Variants in GLRA2 observed in about 807,000 individuals in gnomAD.
The protein encoded by GLRA2 is glycine receptor subunit alpha-2.
A neutral mutation model predicts 31.6 loss-of-function variants in GLRA2; 11 were observed. The ratio of observed to expected loss-of-function variants is 0.35; its 90% CI spans 0.22 to 0.58. The LOEUF is 0.58. Ranked by LOEUF, GLRA2 falls within the 20% of genes least tolerant of loss-of-function variation. The probability of loss-of-function intolerance (pLI) is 0.84; values close to 1 mark genes in which losing one functional copy is unlikely to be tolerated. For missense variants in GLRA2, 212 were observed against 351.8 expected, an observed-to-expected ratio of 0.60 and a Z score of 3.18; for synonymous variants, 132 against 134.0, an observed-to-expected ratio of 0.99 and a Z score of 0.10.
At chrX:14,659,004 C>T (rs2090966896) in intron 7 of GLRA2, among the ~76,000 whole-genome samples, 1 of 111,809 alleles carries the variant, frequency 8.9e-6, no homozygotes, top group African/African-American at 3.3e-5. Context: ...CTGAGTTTAG[C>T]CAGACTAGTT....
In GLRA2 at chrX:14,651,851, T is replaced by C. The variant is rs186659433; in HGVS notation, c.931-38859T>C. Among the ~76,000 whole-genome samples, 787 of 111,909 alleles carry C rather than the reference T, an allele frequency of 7.0e-3. 4 individuals are homozygous for C. Among genetic ancestry groups the C allele is most frequent in the Non-Finnish European group, 0.011 (570 of 53,163 alleles). On this transcript the variant is annotated intron_variant, in intron 7 of 8. Transcript: ENST00000218075. ...GTTTGTGTCTCACCAAGATTTCTTG[T>C]TGAAACCCTAACCTCCAATGCGACG... is the stretch of plus-strand genomic sequence containing the variant.
chrX:14,703,918 C>T (rs904130604), intron 8 of GLRA2, among the ~76,000 whole-genome samples: 2 of 112,024 alleles, frequency 1.8e-5, no homozygotes, highest in Non-Finnish European at 3.8e-5. Context: ...CCTCACCACA[C>T]TCCTGTTGTT....
chrX:14,670,031 T>G (rs987168957), intron 7 of GLRA2, among the ~76,000 whole-genome samples: 2 of 112,272 alleles, frequency 1.8e-5, no homozygotes, highest in Non-Finnish European at 3.8e-5. Context: ...TTGAATGCTT[T>G]GCTGCTTAGA....
At chrX:14,508,766 T>A in the GLRA2 span, among the ~76,000 whole-genome samples, 3 of 111,815 alleles carry the variant, frequency 2.7e-5, no homozygotes, top group African/African-American at 9.7e-5. Context: ...AATTTCAAGG[T>A]CACCAATTAT....
intron 5 of GLRA2, 124 bp from the exon 6 acceptor site, chrX:14,607,007 C>T: frequency 2.2e-6 from 1 of 460,769 alleles, no homozygotes. Flanking sequence ...ATTAAGAATG[C>T]TCTTGAATTG....
chrX:14,662,885 TA>T (rs1444775413), intron 7 of GLRA2, among the ~76,000 whole-genome samples: 1 of 107,473 alleles, frequency 9.3e-6, no homozygotes. Context: ...AATATTTTAT[TA>T]TTTTTCTGTT....
At chrX:14,483,931 C>G in the GLRA2 span, among the ~76,000 whole-genome samples, 43 of 111,033 alleles carry the variant, frequency 3.9e-4, no homozygotes, top group Admixed American at 9.6e-4. Flanking sequence ...ACTGGCCTAG[C>G]CTCCCAGCCT....
intron 4 of GLRA2, among the ~76,000 whole-genome samples, chrX:14,584,735 T>C (rs1218872564): frequency 8.9e-6 from 1 of 111,814 alleles, no homozygotes; most frequent in East Asian, 2.8e-4. Flanking sequence ...GAGCACAACA[T>C]AAATTGATCG....
At chrX:14,577,064 G>A (rs2089965469) in intron 3 of GLRA2, among the ~76,000 whole-genome samples, 1 of 112,765 alleles carries the variant, frequency 8.9e-6, no homozygotes, top group Non-Finnish European at 1.9e-5. Flanking sequence ...GTAGGGATTG[G>A]CAAACTTTTT....
At chrX:14,593,390 T>C (rs3027368) in intron 4 of GLRA2, among the ~76,000 whole-genome samples, 23,570 of 111,438 alleles carry the variant, frequency 0.21, 2,400 homozygotes, top group Non-Finnish European at 0.32. Context: ...CCACATGAGA[T>C]ATACTCTCAG....
chrX:14,667,583 A>C (rs1177964512), intron 7 of GLRA2, among the ~76,000 whole-genome samples: 1 of 112,011 alleles, frequency 8.9e-6, no homozygotes, highest in East Asian at 2.8e-4. Context: ...ATGTTCAAGC[A>C]TGGAGCCTAC....
chrX:14,595,925 C>A (rs1338104014), intron 4 of GLRA2, among the ~76,000 whole-genome samples: 1 of 112,047 alleles, frequency 8.9e-6, no homozygotes, highest in Non-Finnish European at 1.9e-5. Context: ...GACACACTGT[C>A]TTATTTTAAG....
At chrX:14,709,665 C>A (rs1006576698) in intron 8 of GLRA2, among the ~76,000 whole-genome samples, 1 of 112,059 alleles carries the variant, frequency 8.9e-6, no homozygotes, top group Non-Finnish European at 1.9e-5. Flanking sequence ...AAAGCTAAAT[C>A]AATCATAAGC....
intron 2 of GLRA2, among the ~76,000 whole-genome samples, chrX:14,550,650 G>A (rs902730189): frequency 1.7e-4 from 19 of 110,990 alleles, no homozygotes; most frequent in Non-Finnish European, 2.5e-4. Context: ...CATCTTTGCC[G>A]CCAGGACAGA....
intron 2 of GLRA2, among the ~76,000 whole-genome samples, chrX:14,561,692 A>G (rs899424482): frequency 1.8e-5 from 2 of 112,536 alleles, no homozygotes; most frequent in African/African-American, 6.5e-5. Flanking sequence ...TTATATCTGC[A>G]GACTAGAGAA....
Position 14,696,901 on chromosome X carries a change from T to A in GLRA2, c.1080+6042T>A, listed in dbSNP as rs181460567. Among the ~76,000 whole-genome samples, 8 of 112,166 alleles carry A rather than the reference T, an allele frequency of 7.1e-5. No homozygotes were observed. The Admixed American group carries it at 7.5e-4, about 11-fold the overall frequency. On this transcript the variant is annotated intron_variant, in intron 8 of 8. Transcript: ENST00000218075. The stretch of plus-strand genomic sequence containing the variant: ...TGTATGGCTATTCAGAACATAATGT[T>A]TTATTACCAAAGTTAAGTCTTGGGG...
chrX:14,730,597 GGA>G lies in GLRA2; in HGVS notation c.*114_*115del. The G allele has an allele frequency of 8.4e-6, 1 of 118,916 alleles. No homozygotes were observed. Among genetic ancestry groups the G allele is most frequent in the Non-Finnish European group, 1.7e-5 (1 of 60,100 alleles). 9.8% of individuals were successfully genotyped at this position (118,916 alleles called of 1,213,427 possible). ...AGGAGAAGATTGAGGGAGGGGGGAGGGAGGGTCATGGGGGTGGGTTTCCTGGC... is the reference window on the plus strand; with the variant it reads ...AGGAGAAGATTGAGGGAGGGGGGAGGGGGTCATGGGGGTGGGTTTCCTGGC... On this transcript the variant is annotated 3_prime_UTR_variant, in exon 9 of 9. Coordinates refer to ENST00000218075, the MANE Select transcript of GLRA2 (RefSeq NM_002063.4).
intron 7 of GLRA2, among the ~76,000 whole-genome samples, chrX:14,682,870 G>A (rs2091230109): frequency 9.0e-6 from 1 of 111,015 alleles, no homozygotes; most frequent in African/African-American, 3.3e-5. Context: ...TCCCTACAAA[G>A]GACATGAACT....
At chrX:14,656,109 A>G (rs1475110923) in intron 7 of GLRA2, among the ~76,000 whole-genome samples, 1 of 111,529 alleles carries the variant, frequency 9.0e-6, no homozygotes, top group Non-Finnish European at 1.9e-5. Context: ...TTACAATTTG[A>G]AATACGCTGG....
Sources: allele counts gnomAD v4.1 joint callset (sites outside exome capture counted in the v4.1 genomes callset), GRCh38; gene constraint gnomAD v4.1.1; transcripts MANE v1.5; gene names NCBI Gene and HGNC (gene_info 2026-07-23, HGNC 2026-07-21).